The following ARNT2 variants were observed in gnomAD, a reference collection of about 807,000 sequenced individuals.
ARNT2 encodes aryl hydrocarbon receptor nuclear translocator 2.
In ARNT2, 36 loss-of-function variants were observed where a neutral mutation model predicts 91.7. The observed-to-expected ratio is 0.39, with a 90% CI of 0.30 to 0.52. The LOEUF is 0.52. Ranked by LOEUF, ARNT2 falls within the 20% of genes least tolerant of loss-of-function variation. The pLI, the probability that ARNT2 is intolerant of heterozygous loss-of-function variation, is 0.72. For synonymous variants in ARNT2, 365 were observed against 347.1 expected (o/e 1.05, Z -0.57); for missense variants, 775 against 939.3 (o/e 0.83, Z 2.29).
intron 5 of ARNT2, among the ~76,000 whole-genome samples, chr15:80,482,690 G>A (rs1896908327): frequency 6.6e-6 from 1 of 152,204 alleles, no homozygotes. Context: ...TGAGACTGAG[G>A]CTCGGATGCA....
chr15:80,592,499 G>A (rs148312902), intron 18 of ARNT2, among the ~76,000 whole-genome samples: 2 of 152,314 alleles, frequency 1.3e-5, no homozygotes, highest in South Asian at 2.1e-4. Context: ...GAACCACATC[G>A]TGGGAGGGTT....
intron 3 of ARNT2, among the ~76,000 whole-genome samples, chr15:80,469,083 C>T (rs746801276): frequency 2.6e-4 from 40 of 152,104 alleles, no homozygotes; most frequent in Non-Finnish European, 5.1e-4. Context: ...CCAGTGAAAC[C>T]CTAAATCCTG....
chr15:80,442,401 T>TACTA (rs1896206833), intron 1 of ARNT2, among the ~76,000 whole-genome samples: 1 of 152,210 alleles, frequency 6.6e-6, no homozygotes, highest in Non-Finnish European at 1.5e-5. Context: ...AGTGTGAAAT[T>TACTA]ACTAGGCTCT....
intron 1 of ARNT2, among the ~76,000 whole-genome samples, chr15:80,429,495 C>G (rs1009787313): frequency 4.6e-5 from 7 of 152,250 alleles, no homozygotes; most frequent in African/African-American, 1.7e-4. Context: ...CCGCAATCGC[C>G]TGCCCTGTGC....
chr15:80,555,255 C>T, intron 11 of ARNT2, 116 bp downstream of exon 11: 1 of 1,062,022 alleles, frequency 9.4e-7, no homozygotes, highest in Non-Finnish European at 1.4e-6. Context: ...CTACCTATGG[C>T]CTCACTCAGG....
rs185640691 is a variant in ARNT2 at position 80,442,258 on chromosome 15, G to A, written c.32-8622G>A. ...AACGGCATCTTTCCCATCGTACTTCGTTCCTCCCAGAGCATTTTTTGCAGT... is the reference window on the plus strand; with the variant it reads ...AACGGCATCTTTCCCATCGTACTTCATTCCTCCCAGAGCATTTTTTGCAGT... On this transcript the variant is annotated intron_variant, in intron 1 of 18. Coordinates refer to ENST00000303329, the MANE Select transcript of ARNT2 (RefSeq NM_014862.4). 2.6e-3 allele frequency among the ~76,000 whole-genome samples: 396 copies of A among 152,296 alleles called. 3 individuals are homozygous for A. Among genetic ancestry groups the A allele is most frequent in the Non-Finnish European group, 4.3e-3 (293 of 68,034 alleles).
intron 5 of ARNT2, among the ~76,000 whole-genome samples, chr15:80,481,390 C>T (rs1445811203): frequency 2.6e-5 from 4 of 152,110 alleles, no homozygotes; most frequent in Admixed American, 1.3e-4. Flanking sequence ...GTGGGACACT[C>T]GGTGCATGTT....
At chr15:80,545,536 G>C (rs1897977378) in intron 8 of ARNT2, among the ~76,000 whole-genome samples, 1 of 152,202 alleles carries the variant, frequency 6.6e-6, no homozygotes, top group Non-Finnish European at 1.5e-5. Flanking sequence ...AGGGTAGAGA[G>C]GAGATGATTG....
chr15:80,487,988 A>G (rs1356491622), intron 5 of ARNT2: 2 of 152,192 alleles, frequency 1.3e-5, no homozygotes, highest in Non-Finnish European at 2.9e-5. Flanking sequence ...CTCACTGTGA[A>G]CCTTATGTGC....
intron 8 of ARNT2, among the ~76,000 whole-genome samples, chr15:80,531,042 C>T (rs1052713182): frequency 6.6e-6 from 1 of 152,214 alleles, no homozygotes; most frequent in Non-Finnish European, 1.5e-5. Context: ...CCAAAACTTA[C>T]TAATATTCCT....
intron 5 of ARNT2, among the ~76,000 whole-genome samples, chr15:80,499,930 A>G (rs1168376786): frequency 1.3e-5 from 2 of 152,218 alleles, no homozygotes; most frequent in Admixed American, 6.5e-5. Context: ...ATGCAACTCT[A>G]CTGCCCATTC....
At chr15:80,559,258 T>C (rs1321650268) in intron 11 of ARNT2, among the ~76,000 whole-genome samples, 1 of 152,230 alleles carries the variant, frequency 6.6e-6, no homozygotes, top group Non-Finnish European at 1.5e-5. Context: ...TCTCACTCTG[T>C]GAGCAGCCAC....
chr15:80,581,179 G>T (rs768603100), intron 16 of ARNT2, 60 bp from the exon 17 acceptor site: 154 of 1,596,488 alleles, frequency 9.6e-5, no homozygotes, highest in Non-Finnish European at 1.2e-4. Flanking sequence ...TGGGGCATCG[G>T]TTGGGGTGCA....
At chr15:80,446,373 C>T (rs771434854) in intron 1 of ARNT2, among the ~76,000 whole-genome samples, 9 of 152,070 alleles carry the variant, frequency 5.9e-5, no homozygotes, top group Non-Finnish European at 1.0e-4. Context: ...TGAAACTTAG[C>T]GAGGTTCAAT....
chr15:80,552,054 G>A (rs1898090756), intron 9 of ARNT2, among the ~76,000 whole-genome samples: 2 of 152,186 alleles, frequency 1.3e-5, no homozygotes, highest in Admixed American at 6.5e-5. Context: ...GACATTGAGG[G>A]TCTTCCCCAT....
intron 5 of ARNT2, among the ~76,000 whole-genome samples, chr15:80,483,643 G>A (rs576886113): frequency 7.2e-5 from 11 of 152,302 alleles, no homozygotes; most frequent in African/African-American, 2.2e-4. Flanking sequence ...TTCAGCAGGC[G>A]GCATCCTCCA....
intron 1 of ARNT2, among the ~76,000 whole-genome samples, chr15:80,408,979 T>C (rs1226454870): frequency 6.6e-6 from 1 of 152,180 alleles, no homozygotes; most frequent in Admixed American, 6.5e-5. Flanking sequence ...ATTCCTCATA[T>C]ATCCCCTGCC....
chr15:80,529,818 A>G (rs1189705982), intron 8 of ARNT2, among the ~76,000 whole-genome samples: 1 of 152,142 alleles, frequency 6.6e-6, no homozygotes, highest in Non-Finnish European at 1.5e-5. Flanking sequence ...CTTTGCTCCA[A>G]AATCTTGGAG....
chr15:80,407,097 C>G (rs575224893), intron 1 of ARNT2, among the ~76,000 whole-genome samples: 21 of 152,254 alleles, frequency 1.4e-4, no homozygotes, highest in African/African-American at 4.6e-4. Context: ...CTCCTTTCCC[C>G]AGATATGGTT....
Sources: gnomAD v4.1 joint callset for allele counts (sites outside exome capture counted in the v4.1 genomes callset) on GRCh38, gnomAD v4.1.1 for gene constraint, MANE v1.5 for transcripts, NCBI Gene and HGNC (gene_info 2026-07-23, HGNC 2026-07-21) for gene names.